The following MCM10 variants were observed in gnomAD, a reference collection of about 807,000 sequenced individuals.
MCM10 encodes the protein minichromosome maintenance 10 replication initiation factor, also known as protein MCM10 homolog.
Under a neutral mutation model 109.9 loss-of-function variants are expected in MCM10, and 91 were observed. The observed-to-expected ratio is 0.83, with a 90% confidence interval of 0.70 to 0.99. The LOEUF (loss-of-function observed/expected upper bound fraction) is 0.99. Among genes scored for constraint, MCM10 ranks in the 50% least tolerant of loss-of-function variants. The pLI is 0.00. For synonymous variants in MCM10, 380 were observed against 387.2 expected (o/e 0.98, Z 0.22); for missense variants, 1,077 against 1,061.2 (o/e 1.01, Z -0.21).
chr10:13,183,108 C>G lies in MCM10; in HGVS notation c.1098+8C>G. On this transcript the variant is annotated splice_region_variant and intron_variant, in intron 8 of 19. Coordinates refer to ENST00000378714, the MANE Select transcript of MCM10 (RefSeq NM_018518.5). ...AAGGATGGTTCAGAGGAGGTAAGAG[C>G]CTGTTTCTGGGATTTGATTGATGAT... 6.2e-7 allele frequency: 1 copy of G among 1,603,650 alleles called. No individual in the cohort carries two copies. The highest frequency in any genetic ancestry group is 8.5e-7 in the Non-Finnish European group (1 of 1,176,830).
At chr10:13,163,992 G>A in intron 1 of MCM10, 136 bp from the exon 2 acceptor site, 1 of 382,798 alleles carries the variant, frequency 2.6e-6, no homozygotes, top group Non-Finnish European at 4.7e-6. Flanking sequence ...GAGAGAGGAG[G>A]TGAGAAATGG....
chr10:13,184,886 C>G (rs1005322142), intron 8 of MCM10, among the ~76,000 whole-genome samples: 6 of 152,114 alleles, frequency 3.9e-5, no homozygotes, highest in African/African-American at 1.4e-4. Flanking sequence ...CACTGTTTAC[C>G]AGTCCTGTGG....
In MCM10 at chr10:13,170,918, C is replaced by CT; in HGVS notation, c.8-3dup. On this transcript the variant is annotated splice_region_variant and splice_polypyrimidine_tract_variant and intron_variant, in intron 2 of 19. Coordinates refer to ENST00000378714, the MANE Select transcript of MCM10 (RefSeq NM_018518.5). Reference sequence around the variant, plus strand: ...TCTCTGTCCTTTCTCTTCTTTTCCCCTAGAGGAGGAAGACAATCTGTCTCT... The same window carrying CT: ...TCTCTGTCCTTTCTCTTCTTTTCCCCTTAGAGGAGGAAGACAATCTGTCTCT... The CT allele has an allele frequency of 6.2e-7, 1 of 1,610,112 alleles. No individual in the cohort carries two copies. The highest frequency in any genetic ancestry group is 2.2e-5 in the East Asian group (1 of 44,812).
chr10:13,168,548 A>G (rs1834031637), intron 2 of MCM10, among the ~76,000 whole-genome samples: 1 of 152,180 alleles, frequency 6.6e-6, no homozygotes, highest in Non-Finnish European at 1.5e-5. Flanking sequence ...GATATCCTTA[A>G]TATTTTTCCA....
intron 2 of MCM10, among the ~76,000 whole-genome samples, chr10:13,167,884 C>T (rs1834022746): frequency 6.6e-6 from 1 of 152,170 alleles, no homozygotes; most frequent in Non-Finnish European, 1.5e-5. Flanking sequence ...TTGTAAGAGC[C>T]ACTGGGGATC....
At chr10:13,173,191 C>T (rs1305043898) in intron 5 of MCM10, among the ~76,000 whole-genome samples, 2 of 152,054 alleles carry the variant, frequency 1.3e-5, no homozygotes, top group Non-Finnish European at 2.9e-5. Flanking sequence ...CAGAGTAAGA[C>T]CCTGTCTGAG....
At chr10:13,208,989 C>T in intron 18 of MCM10, 102 bp from the exon 19 acceptor site, 1 of 811,956 alleles carries the variant, frequency 1.2e-6, no homozygotes, top group South Asian at 1.4e-5. Flanking sequence ...ACAGCTTCTC[C>T]TTGAATGGGG....
intron 8 of MCM10, among the ~76,000 whole-genome samples, chr10:13,184,099 C>G (rs1321674509): frequency 2.0e-5 from 3 of 152,038 alleles, no homozygotes; most frequent in Admixed American, 2.0e-4. Flanking sequence ...CTCAGGTGAT[C>G]CACCTGCCTC....
chr10:13,196,575 C>T (rs888394887), intron 14 of MCM10, among the ~76,000 whole-genome samples: 21 of 152,040 alleles, frequency 1.4e-4, no homozygotes, highest in African/African-American at 4.6e-4. Flanking sequence ...TACAGTAGTC[C>T]GATCTCGCCT....
At position 13,183,043 on chromosome 10, in the gene MCM10, G is replaced by T; in HGVS notation, c.1041G>T (p.Gly347=). ...VHKALWKTEQ[G]TVVGILNANP... The stretch of plus-strand genomic sequence containing the variant: ...AAGCGCTCTGGAAGACGGAGCAGGG[G>T]ACTGTCGTAGGGATCCTCAATGCCA... The change falls in exon 8 of 20, where the codon GGG becomes GGT. Residue 347 remains glycine, a synonymous_variant. Transcript: ENST00000378714. 1 of 1,614,172 alleles carries T rather than the reference G, an allele frequency of 6.2e-7. No individual in the cohort carries two copies. The highest frequency in any genetic ancestry group is 8.5e-7 in the Non-Finnish European group (1 of 1,180,024).
intron 17 of MCM10, 140 bp downstream of exon 17, chr10:13,201,674 G>C: frequency 1.5e-6 from 1 of 651,158 alleles, no homozygotes; most frequent in Non-Finnish European, 2.7e-6. Context: ...AAAGGGCGCA[G>C]GTGGCCCAGG....
chr10:13,163,306 C>A (rs1451942985), intron 1 of MCM10, among the ~76,000 whole-genome samples: 1 of 152,074 alleles, frequency 6.6e-6, no homozygotes, highest in African/African-American at 2.4e-5. Flanking sequence ...CACTGCACTC[C>A]AGCCCCAGCG....
chr10:13,172,882 A>AAGAAG lies in MCM10; in HGVS notation c.592+121_592+122insGAGAA. 1 of 934,270 alleles carries AAGAAG rather than the reference A, an allele frequency of 1.1e-6. No individual in the cohort carries two copies. The highest frequency in any genetic ancestry group is 2.6e-5 in the East Asian group (1 of 38,232). 57.9% of individuals were successfully genotyped at this position (934,270 alleles called of 1,614,324 possible). A position where few individuals can be genotyped will look rare whatever the true frequency, so the allele number is the denominator to read the frequency against. On this transcript the variant is annotated intron_variant, in intron 5 of 19. Transcript: ENST00000378714. This position sits in a 1 kb window ranked among gnomAD's most constrained non-coding sequence, Gnocchi z 5.2. ...GGTCTGTCTTATGTCCCCATTGAGA[A>AAGAAG]AGAAAGTTTCTTGGGAATGGAAGCC...
At chr10:13,164,656 A>T (rs1833970977) in intron 2 of MCM10, among the ~76,000 whole-genome samples, 2 of 152,250 alleles carry the variant, frequency 1.3e-5, no homozygotes, top group Non-Finnish European at 2.9e-5. Flanking sequence ...TCTAGCTCTG[A>T]CTTAAGTTTT....
intron 16 of MCM10, among the ~76,000 whole-genome samples, chr10:13,201,022 G>C (rs1356732807): frequency 6.6e-6 from 1 of 152,186 alleles, no homozygotes; most frequent in Non-Finnish European, 1.5e-5. Context: ...GCGGGCACCT[G>C]TAGTCCCTAC....
intron 1 of MCM10, 144 bp from the exon 2 acceptor site, chr10:13,163,984 G>C: frequency 2.7e-6 from 1 of 367,926 alleles, no homozygotes; most frequent in Non-Finnish European, 4.9e-6. Flanking sequence ...GCGGTGTGGA[G>C]AGAGGAGGTG....
intron 15 of MCM10, among the ~76,000 whole-genome samples, chr10:13,198,346 A>C (rs1326704623): frequency 6.6e-6 from 1 of 152,194 alleles, no homozygotes; most frequent in African/African-American, 2.4e-5. Flanking sequence ...CTTTGTTTTA[A>C]ATTGCCATAT....
intron 13 of MCM10, among the ~76,000 whole-genome samples, chr10:13,194,077 T>G (rs1834384062): frequency 6.8e-6 from 1 of 146,294 alleles, no homozygotes; most frequent in South Asian, 2.2e-4. Flanking sequence ...TAAATATCTC[T>G]TATGAGGCTG....
intron 9 of MCM10, 22 bp downstream of exon 9, chr10:13,186,302 A>T: frequency 6.7e-7 from 1 of 1,489,660 alleles, no homozygotes; most frequent in Non-Finnish European, 9.4e-7. Context: ...CCTTGTTAGG[A>T]TGGTTTCTGC....
Sources: gnomAD v4.1 joint callset for allele counts (sites outside exome capture counted in the v4.1 genomes callset) on GRCh38, gnomAD v4.1.1 for gene constraint, Gnocchi (gnomAD v3.1) non-coding constraint, MANE v1.5 for transcripts, NCBI Gene and HGNC (gene_info 2026-07-23, HGNC 2026-07-21) for gene names.